DNAJC8: variants seen among roughly 807,000 people sequenced by gnomAD.
The protein encoded by DNAJC8 is dnaJ homolog subfamily C member 8.
Under a neutral mutation model 43.2 loss-of-function variants are expected in DNAJC8, and 24 were observed. The ratio of observed to expected loss-of-function variants is 0.56; its 90% CI spans 0.40 to 0.78. DNAJC8 has a LOEUF of 0.78. DNAJC8 is among the 30% of genes least tolerant of loss of function. DNAJC8 has a pLI of 0.00. For missense variants in DNAJC8, 207 were observed against 299.4 expected (o/e 0.69, Z 2.28); for synonymous variants, 83 against 98.0 (o/e 0.85, Z 0.90).
chr1:28,218,476 G>A (rs1453326595), intron 2 of DNAJC8, among the ~76,000 whole-genome samples: 2 of 151,896 alleles, frequency 1.3e-5, no homozygotes, highest in Non-Finnish European at 2.9e-5. Flanking sequence ...GAGTGCAGTG[G>A]CATAATCATA....
intron 7 of DNAJC8, 76 bp downstream of exon 7, chr1:28,205,182 T>C (rs1646760362): frequency 8.8e-7 from 1 of 1,139,998 alleles, no homozygotes; most frequent in Admixed American, 2.1e-5. Flanking sequence ...ATTCCCTCAT[T>C]AGGAAAATCA....
intron 8 of DNAJC8, among the ~76,000 whole-genome samples, 157 bp downstream of exon 8, chr1:28,203,590 C>T (rs189353430): frequency 1.5e-4 from 23 of 152,252 alleles, no homozygotes; most frequent in Admixed American, 6.5e-4. Context: ...ACAGAGCTTA[C>T]AGGAGGCTGA....
At chr1:28,208,525 G>T in intron 5 of DNAJC8, 112 bp from the exon 6 acceptor site, 487 of 407,142 alleles carry the variant, frequency 1.2e-3, no homozygotes, top group East Asian at 1.8e-3. Flanking sequence ...ATAGCAAAAA[G>T]TTTTCATTAA....
intron 8 of DNAJC8, among the ~76,000 whole-genome samples, chr1:28,203,201 C>T (rs1389778343): frequency 2.0e-5 from 3 of 152,140 alleles, no homozygotes; most frequent in Non-Finnish European, 4.4e-5. Context: ...AGCCCCTAAC[C>T]ATGAGTCCTA....
At chr1:28,219,457 C>A (rs755293834) in intron 2 of DNAJC8, among the ~76,000 whole-genome samples, 1 of 152,028 alleles carries the variant, frequency 6.6e-6, no homozygotes, top group South Asian at 2.1e-4. Context: ...TGCAGTGAGC[C>A]GAGATCGTGC....
At chr1:28,215,100 G>T in intron 2 of DNAJC8, 104 bp from the exon 3 acceptor site, 1 of 891,248 alleles carries the variant, frequency 1.1e-6, no homozygotes, top group Non-Finnish European at 1.7e-6. Context: ...ATCTAGAATA[G>T]TACCCCATGT....
At position 28,230,486 on chromosome 1, in the gene DNAJC8, G is replaced by A. The variant is rs181382632; in HGVS notation, c.79-1463C>T. ...TAATCCCAGCACTTTGGGAGTCTGA[G>A]GCAGGAGGATCACTTGGGTGCAGGA... On this transcript the variant is annotated intron_variant, in intron 1 of 8. Transcript: ENST00000263697. Among the ~76,000 whole-genome samples the A allele has an allele frequency of 1.0e-3, 153 of 152,282 alleles. 1 individual carries two copies. The highest frequency in any genetic ancestry group is 1.7e-3 in the Non-Finnish European group (119 of 68,022).
intron 6 of DNAJC8, 67 bp from the exon 7 acceptor site, chr1:28,205,416 C>G: frequency 1.6e-6 from 2 of 1,222,494 alleles, no homozygotes; most frequent in Non-Finnish European, 2.4e-6. Flanking sequence ...GAACCATGTA[C>G]TTTCACCTGG....
Position 28,200,764 on chromosome 1 carries a change from G to C in DNAJC8, c.*484C>G. 1 of 436,614 alleles carries C rather than the reference G, an allele frequency of 2.3e-6. No homozygotes were observed. Among genetic ancestry groups the C allele is most frequent in the South Asian group, 1.6e-5 (1 of 61,966 alleles). The allele number at this position is 436,614 out of a possible 1,614,324, so 27.0% of individuals were successfully genotyped here. A position where few individuals can be genotyped will look rare whatever the true frequency, so the allele number is the denominator to read the frequency against. ...CAGATGCTGCTCTGTGTGCTCACAAGTGTTCCCTGTCTTATCTGGGCCTTC... is the reference window on the plus strand; with the variant it reads ...CAGATGCTGCTCTGTGTGCTCACAACTGTTCCCTGTCTTATCTGGGCCTTC... On this transcript the variant is annotated 3_prime_UTR_variant, in exon 9 of 9. Transcript: ENST00000263697.
chr1:28,232,976 C>G lies in DNAJC8; in HGVS notation c.23G>C (p.Gly8Ala). 6.2e-7 allele frequency: 1 copy of G among 1,612,942 alleles called. No individual in the cohort carries two copies. The highest frequency in any genetic ancestry group is 8.5e-7 in the Non-Finnish European group (1 of 1,180,016). MAASGESGTSGGGGSTEE... is the reference protein window; with the variant it reads MAASGESATSGGGGSTEE... The stretch of plus-strand genomic sequence containing the variant: ...GGTGCTGCCTCCGCCGCCTGAAGTC[C>G]CGCTCTCTCCTGAAGCCGCCATTTC... Residue 8 changes from glycine to alanine, a missense_variant, in exon 1 of 9, where the codon GGG becomes GCG. Gly to Ala is a moderately conservative substitution (Grantham distance 60, BLOSUM62 0). Around this residue, in one of 2 missense-constraint regions of DNAJC8, gnomAD observed 48 missense variants for 31.9 expected, o/e 1.50. Coordinates refer to ENST00000263697, the MANE Select transcript of DNAJC8 (RefSeq NM_014280.3).
chr1:28,218,765 C>T (rs1376729109), intron 2 of DNAJC8, among the ~76,000 whole-genome samples: 1 of 151,998 alleles, frequency 6.6e-6, no homozygotes, highest in African/African-American at 2.4e-5. Flanking sequence ...ATTAGCCAGG[C>T]ATGGTGGTGC....
intron 3 of DNAJC8, among the ~76,000 whole-genome samples, chr1:28,213,004 C>T (rs1646825893): frequency 6.6e-6 from 1 of 152,158 alleles, no homozygotes; most frequent in African/African-American, 2.4e-5. Context: ...ACATTATGTG[C>T]CAAGAGTTAC....
chr1:28,216,428 AGAG>A (rs1646855150), intron 2 of DNAJC8, among the ~76,000 whole-genome samples: 1 of 152,230 alleles, frequency 6.6e-6, no homozygotes, highest in Non-Finnish European at 1.5e-5. Flanking sequence ...AACAAATCCC[AGAG>A]GATGCCCAAA....
At chr1:28,225,010 T>TA (rs1646924525) in intron 2 of DNAJC8, among the ~76,000 whole-genome samples, 1 of 151,242 alleles carries the variant, frequency 6.6e-6, no homozygotes, top group South Asian at 2.1e-4. Flanking sequence ...CAGTGAGCTA[T>TA]ACAGTGAGCG....
chr1:28,217,700 A>G (rs1399633160), intron 2 of DNAJC8, among the ~76,000 whole-genome samples: 2 of 152,034 alleles, frequency 1.3e-5, no homozygotes, highest in Non-Finnish European at 2.9e-5. Flanking sequence ...AACAAAACCC[A>G]GAGGACGTCC....
chr1:28,229,210 T>C (rs1646957700), intron 1 of DNAJC8, among the ~76,000 whole-genome samples, 187 bp from the exon 2 acceptor site: 1 of 152,216 alleles, frequency 6.6e-6, no homozygotes, highest in Non-Finnish European at 1.5e-5. Context: ...AAACCTTACA[T>C]GTATTTATTA....
In DNAJC8 at chr1:28,232,907, CA is replaced by C. The variant is rs745810562; in HGVS notation, c.78+13del. ...CGGTCGCCCCGGTGCCACTACTCCTCACTCTGTGTTCACCTCACTGTAGAAG... is the reference window on the plus strand; with the variant it reads ...CGGTCGCCCCGGTGCCACTACTCCTCCTCTGTGTTCACCTCACTGTAGAAG... On this transcript the variant is annotated intron_variant, in intron 1 of 8. Coordinates refer to ENST00000263697, the MANE Select transcript of DNAJC8 (RefSeq NM_014280.3). 6.2e-7 allele frequency: 1 copy of C among 1,612,392 alleles called. No homozygotes were observed. Among genetic ancestry groups the C allele is most frequent in the Non-Finnish European group, 8.5e-7 (1 of 1,179,860 alleles).
At chr1:28,231,911 G>A (rs1254155575) in intron 1 of DNAJC8, among the ~76,000 whole-genome samples, 1 of 151,628 alleles carries the variant, frequency 6.6e-6, no homozygotes, top group Admixed American at 6.6e-5. Context: ...GGGACTACAG[G>A]CGCCCACTAC....
chr1:28,232,024 G>C (rs547582194), intron 1 of DNAJC8, among the ~76,000 whole-genome samples: 56 of 152,072 alleles, frequency 3.7e-4, no homozygotes, highest in African/African-American at 1.3e-3. Context: ...CAAAGTGCTG[G>C]GATTACAGGC....
Sources: gnomAD v4.1 joint callset for allele counts (sites outside exome capture counted in the v4.1 genomes callset) on GRCh38, gnomAD v4.1.1 for gene constraint, gnomAD v4.1.1 regional missense constraint, MANE v1.5 for transcripts, NCBI Gene and HGNC (gene_info 2026-07-23, HGNC 2026-07-21) for gene names.